LEKR1: variants seen among roughly 807,000 people sequenced by gnomAD.
The protein encoded by LEKR1 is leucine, glutamate and lysine rich 1, also known as protein LEKR1.
In LEKR1, 59 loss-of-function variants were observed where a neutral mutation model predicts 72.4. The ratio of observed to expected loss-of-function variants is 0.82; its 90% CI spans 0.66 to 1.01. LEKR1 has a LOEUF of 1.01. Among genes scored for constraint, LEKR1 ranks in the 50% least tolerant of loss-of-function variants. The pLI, the probability that LEKR1 is intolerant of heterozygous loss-of-function variation, is 0.00. For missense variants in LEKR1, 728 were observed against 759.2 expected, an observed-to-expected ratio of 0.96 and a Z score of 0.48; for synonymous variants, 257 against 263.2, an observed-to-expected ratio of 0.98 and a Z score of 0.23.
intron 3 of LEKR1, among the ~76,000 whole-genome samples, chr3:156,900,999 A>G (rs951035530): frequency 6.6e-5 from 10 of 152,036 alleles, no homozygotes; most frequent in Non-Finnish European, 1.3e-4. Flanking sequence ...AATTATTAAA[A>G]TTTTTTAAAG....
intron 5 of LEKR1, among the ~76,000 whole-genome samples, chr3:156,934,950 G>A (rs953104579): frequency 1.3e-5 from 2 of 152,016 alleles, no homozygotes; most frequent in Non-Finnish European, 2.9e-5. Context: ...ATCATAGTCT[G>A]GCTATTGTAA....
In LEKR1 at chr3:156,996,386, G is replaced by T. The variant is rs1170730167; in HGVS notation, c.1109+3109G>T. On this transcript the variant is annotated intron_variant, in intron 9 of 12. Coordinates refer to ENST00000356539, the MANE Select transcript of LEKR1 (RefSeq NM_001004316.3). ...AGACAAGTTGGTGAGTTCTGGGAAAGGACAGCAGGGTAGCGTGGCTAGTGG... is the reference window on the plus strand; with the variant it reads ...AGACAAGTTGGTGAGTTCTGGGAAATGACAGCAGGGTAGCGTGGCTAGTGG... 1.3e-4 allele frequency among the ~76,000 whole-genome samples: 20 copies of T among 152,132 alleles called. 1 individual carries two copies. Among genetic ancestry groups the T allele is most frequent in the Admixed American group, 1.3e-3 (20 of 15,278 alleles).
At chr3:157,009,813 A>AT (rs923948373) in intron 9 of LEKR1, among the ~76,000 whole-genome samples, 2 of 152,156 alleles carry the variant, frequency 1.3e-5, no homozygotes, top group African/African-American at 4.8e-5. Context: ...TGCTTTATAT[A>AT]TTTTGAGGCT....
chr3:156,848,902 TTTA>T (rs1314930554), intron 2 of LEKR1, among the ~76,000 whole-genome samples: 1 of 152,206 alleles, frequency 6.6e-6, no homozygotes, highest in Non-Finnish European at 1.5e-5. Flanking sequence ...TTATTCATTT[TTTA>T]TTATTATACT....
intron 12 of LEKR1, among the ~76,000 whole-genome samples, chr3:157,031,977 G>A (rs998015507): frequency 6.6e-6 from 1 of 151,628 alleles, no homozygotes; most frequent in Admixed American, 6.6e-5. Flanking sequence ...TCAATAAAAA[G>A]AGAAAATGGA....
At position 157,011,586 on chromosome 3, in the gene LEKR1, G is replaced by A. The variant is rs987697542; in HGVS notation, c.1203+80G>A. 70 of 952,658 alleles carry A rather than the reference G, an allele frequency of 7.3e-5. No homozygotes were observed. In the Admixed American group the frequency reaches 9.6e-4, roughly 13 times the overall value. The allele number at this position is 952,658 out of a possible 1,614,324, so 59.0% of individuals were successfully genotyped here. A position where few individuals can be genotyped will look rare whatever the true frequency, so the allele number is the denominator to read the frequency against. ...TGACCATTTGTCAGAAGACTCTTCCGGATAGATTTATTTGCTTCTATGCAC... is the reference window on the plus strand; with the variant it reads ...TGACCATTTGTCAGAAGACTCTTCCAGATAGATTTATTTGCTTCTATGCAC... On this transcript the variant is annotated intron_variant, in intron 10 of 12. Transcript: ENST00000356539.
intron 3 of LEKR1, among the ~76,000 whole-genome samples, chr3:156,909,121 T>C (rs1483751226): frequency 6.6e-6 from 1 of 152,142 alleles, no homozygotes; most frequent in African/African-American, 2.4e-5. Flanking sequence ...ATGTAAGATA[T>C]CCCTTTGCTC....
chr3:156,878,656 A>G (rs1170329858), intron 3 of LEKR1, among the ~76,000 whole-genome samples: 1 of 152,150 alleles, frequency 6.6e-6, no homozygotes, highest in African/African-American at 2.4e-5. Flanking sequence ...GTTCTGAGAT[A>G]TAGTTTAAGT....
intron 2 of LEKR1, among the ~76,000 whole-genome samples, chr3:156,843,889 A>G (rs924276950): frequency 6.6e-6 from 1 of 152,006 alleles, no homozygotes; most frequent in Admixed American, 6.6e-5. Flanking sequence ...TAGTTTTATT[A>G]AAACCTTATG....
chr3:156,887,179 C>T (rs1720191819), intron 3 of LEKR1, among the ~76,000 whole-genome samples: 1 of 151,950 alleles, frequency 6.6e-6, no homozygotes, highest in South Asian at 2.1e-4. Context: ...GTCACGTTTT[C>T]TTGCTTTTTT....
chr3:156,874,687 C>T (rs577379269), intron 3 of LEKR1, among the ~76,000 whole-genome samples: 1 of 152,202 alleles, frequency 6.6e-6, no homozygotes, highest in African/African-American at 2.4e-5. Flanking sequence ...CCTCAAGTCC[C>T]TCCTGCTCTT....
intron 2 of LEKR1, among the ~76,000 whole-genome samples, chr3:156,835,842 C>G (rs57472927): frequency 0.028 from 4,116 of 149,190 alleles, 214 homozygotes; most frequent in African/African-American, 0.097. Context: ...TCTCCCTCCC[C>G]CCAAGTCTTG....
At position 156,942,714 on chromosome 3, in the gene LEKR1, G is replaced by C; in HGVS notation, c.745G>C (p.Asp249His). Residue 249 changes from aspartate (D) to histidine (H), a missense_variant and splice_region_variant, in exon 6 of 13, where the codon GAT becomes CAT. Asp to His is a moderately conservative substitution (Grantham distance 81). Transcript: ENST00000356539. ...CTATGATTTGCAAAAAGAAGTACTA[G>C]GTAAAGAAAAGTCTTTTGCTGTTTT... The part of the protein sequence containing the change: ...RCYDLQKEVL[D>H]LQCLVEALGL... 2 of 1,237,548 alleles carry C rather than the reference G, an allele frequency of 1.6e-6. No individual in the cohort carries two copies. The highest frequency in any genetic ancestry group is 2.1e-6 in the Non-Finnish European group (2 of 969,420). 76.7% of individuals were successfully genotyped at this position (1,237,548 alleles called of 1,614,324 possible).
intron 3 of LEKR1, among the ~76,000 whole-genome samples, chr3:156,854,990 G>A (rs556539833): frequency 6.6e-6 from 1 of 152,208 alleles, no homozygotes; most frequent in South Asian, 2.1e-4. Context: ...CCATGTTAAT[G>A]TATGTAGATC....
intron 6 of LEKR1, among the ~76,000 whole-genome samples, chr3:156,957,819 G>T (rs1349212577): frequency 2.0e-5 from 3 of 151,712 alleles, no homozygotes; most frequent in Non-Finnish European, 2.9e-5. Flanking sequence ...TAAAGAGAGG[G>T]TCTTGTTTTG....
At chr3:156,972,429 C>T (rs1262705455) in intron 6 of LEKR1, among the ~76,000 whole-genome samples, 1 of 151,910 alleles carries the variant, frequency 6.6e-6, no homozygotes, top group African/African-American at 2.4e-5. Flanking sequence ...ACCAACATGG[C>T]ACATGTATAC....
At chr3:156,940,103 G>T (rs1726067931) in intron 5 of LEKR1, among the ~76,000 whole-genome samples, 1 of 152,064 alleles carries the variant, frequency 6.6e-6, no homozygotes, top group Admixed American at 6.6e-5. Flanking sequence ...TATTAAAAAC[G>T]ATTTAGAAGC....
intron 3 of LEKR1, among the ~76,000 whole-genome samples, chr3:156,906,945 A>G (rs943536108): frequency 1.3e-5 from 2 of 152,168 alleles, no homozygotes; most frequent in African/African-American, 2.4e-5. Flanking sequence ...GGCTTCTATT[A>G]AGGAATGTTT....
chr3:156,891,173 C>A (rs1239259143), intron 3 of LEKR1, among the ~76,000 whole-genome samples: 2 of 151,876 alleles, frequency 1.3e-5, no homozygotes, highest in African/African-American at 4.8e-5. Flanking sequence ...TGCAGAGCTG[C>A]CATGCTTCTT....
Sources: allele counts gnomAD v4.1 joint callset (sites outside exome capture counted in the v4.1 genomes callset), GRCh38; gene constraint gnomAD v4.1.1; transcripts MANE v1.5; gene names NCBI Gene and HGNC (gene_info 2026-07-23, HGNC 2026-07-21).